Variants in IL16 observed in about 807,000 individuals in gnomAD.
IL16 encodes the protein pro-interleukin-16.
In IL16, 67 loss-of-function variants were observed where a neutral mutation model predicts 110.1. That is an observed-to-expected ratio of 0.61 (90% confidence interval 0.50 to 0.75). The LOEUF is 0.75. Among genes scored for constraint, IL16 ranks in the 30% least tolerant of loss-of-function variants. The pLI is 0.00. For synonymous variants in IL16, 689 were observed against 662.9 expected (o/e 1.04, Z -0.61); for missense variants, 1,545 against 1,655.0 (o/e 0.93, Z 1.15).
chr15:81,238,051 C>T (rs2142089431), intron 2 of IL16, among the ~76,000 whole-genome samples: 1 of 152,106 alleles, frequency 6.6e-6, no homozygotes, highest in East Asian at 1.9e-4. Context: ...TTACAGGCAC[C>T]TGCCACCAAG....
chr15:81,306,772 C>A, intron 18 of IL16: 1 of 581,586 alleles, frequency 1.7e-6, no homozygotes, highest in Non-Finnish European at 3.1e-6. Flanking sequence ...TCAAAAATAC[C>A]TAAGTCCTGG....
intron 8 of IL16, 45 bp downstream of exon 8, chr15:81,279,819 T>C: frequency 6.6e-7 from 1 of 1,519,426 alleles, no homozygotes; most frequent in African/African-American, 1.4e-5. Flanking sequence ...CTCCCAGCAC[T>C]GGCTGAGTCT....
At chr15:81,305,270 A>G (rs1900491749) in intron 16 of IL16, among the ~76,000 whole-genome samples, 1 of 152,160 alleles carries the variant, frequency 6.6e-6, no homozygotes, top group South Asian at 2.1e-4. Flanking sequence ...CTGCCATGCA[A>G]ATTTGCATTG....
intron 1 of IL16, among the ~76,000 whole-genome samples, chr15:81,200,423 T>G (rs983379365): frequency 1.4e-4 from 21 of 152,146 alleles, no homozygotes; most frequent in African/African-American, 5.1e-4. Context: ...AGGCTGGAGT[T>G]CAGCAGTGCA....
intron 1 of IL16, among the ~76,000 whole-genome samples, chr15:81,184,626 G>A (rs560741852): frequency 6.6e-6 from 1 of 152,326 alleles, no homozygotes; most frequent in Admixed American, 6.5e-5. Flanking sequence ...CCTCGGTCCA[G>A]GGGTGAGGAG....
Position 81,267,783 on chromosome 15 carries a change from G to A in IL16, c.565-1755G>A, listed in dbSNP as rs753122712. 7.2e-5 allele frequency among the ~76,000 whole-genome samples: 11 copies of A among 152,236 alleles called. 1 individual carries two copies. The highest frequency in any genetic ancestry group is 4.1e-4 in the South Asian group (2 of 4,828). On this transcript the variant is annotated intron_variant, in intron 4 of 18. Transcript: ENST00000683961. ...TCCTAGTTCAAAGGCAGTCACGCAC[G>A]AAGGATGCTTTCTAACTCAGGGGAG...
chr15:81,295,697 C>G (rs998339115), intron 12 of IL16, among the ~76,000 whole-genome samples: 3 of 152,208 alleles, frequency 2.0e-5, no homozygotes, highest in African/African-American at 7.2e-5. Flanking sequence ...TCATAATGCT[C>G]TCCTAAAGCT....
In IL16 at chr15:81,273,170, G is replaced by A. The variant is rs1182448974; in HGVS notation, c.756G>A (p.Gly252=). ...IGIYVKTIFA[G]GAAAADGRLQ... ...TTTACGTCAAAACCATTTTTGCAGG[G>A]GGAGCAGCAGCAGCCGATGGAAGGC... Residue 252 remains glycine, a synonymous_variant, in exon 6 of 19, where the codon GGG becomes GGA. Coordinates refer to ENST00000683961, the MANE Select transcript of IL16 (RefSeq NM_172217.5). 3.1e-6 allele frequency: 5 copies of A among 1,613,408 alleles called. No individual in the cohort carries two copies. In the African/African-American group the frequency reaches 4.0e-5, roughly 13 times the overall value.
Position 81,211,488 on chromosome 15 carries a change from G to A in IL16, c.-101-13811G>A, listed in dbSNP as rs540198275. ...GCTGGTGTCAAAATCCTGACCTCAG[G>A]TGATCCACCCACCTCAGCCTCCCAA... On this transcript the variant is annotated intron_variant, in intron 1 of 18. Coordinates refer to ENST00000683961, the MANE Select transcript of IL16 (RefSeq NM_172217.5). 2.6e-5 allele frequency among the ~76,000 whole-genome samples: 4 copies of A among 152,316 alleles called. No homozygotes were observed. The East Asian group carries it at 5.8e-4, about 22-fold the overall frequency.
intron 3 of IL16, 122 bp from the exon 4 acceptor site, chr15:81,265,537 G>T: frequency 9.6e-7 from 1 of 1,037,360 alleles, no homozygotes; most frequent in Non-Finnish European, 1.4e-6. Flanking sequence ...CCTGGCACAG[G>T]GTGTTAAGTG....
chr15:81,263,126 C>G (rs1015971979), intron 3 of IL16, among the ~76,000 whole-genome samples: 1 of 151,924 alleles, frequency 6.6e-6, no homozygotes, highest in Non-Finnish European at 1.5e-5. Context: ...AATTAATTAC[C>G]CAATTAAGTT....
chr15:81,235,705 G>A (rs1897157115), intron 2 of IL16, among the ~76,000 whole-genome samples: 1 of 152,150 alleles, frequency 6.6e-6, no homozygotes. Flanking sequence ...ACGACACGGT[G>A]GAGCACAGAA....
chr15:81,273,298 G>A, intron 6 of IL16, 94 bp downstream of exon 6: 2 of 885,274 alleles, frequency 2.3e-6, no homozygotes, highest in Non-Finnish European at 3.4e-6. Flanking sequence ...AATGCAAAAT[G>A]TGTCTTGAGT....
chr15:81,297,839 A>G (rs2141600045), intron 13 of IL16, among the ~76,000 whole-genome samples: 1 of 151,726 alleles, frequency 6.6e-6, no homozygotes, highest in Admixed American at 6.6e-5. Flanking sequence ...GCCTCCAAGG[A>G]GCAACTAGTA....
chr15:81,199,530 G>A (rs937428186), intron 1 of IL16, among the ~76,000 whole-genome samples: 8 of 152,208 alleles, frequency 5.3e-5, no homozygotes, highest in Admixed American at 4.6e-4. Context: ...CTGGGATCCC[G>A]CGTGGAGATC....
chr15:81,245,748 T>TTTTTTTG (rs59688867), intron 2 of IL16, among the ~76,000 whole-genome samples: 1 of 146,214 alleles, frequency 6.8e-6, no homozygotes, highest in African/African-American at 2.6e-5. Context: ...TTTTTTTTTT[T>TTTTTTTG]GCCTGTACCT....
chr15:81,281,416 A>G (rs933816189), intron 8 of IL16, among the ~76,000 whole-genome samples: 5 of 152,150 alleles, frequency 3.3e-5, no homozygotes, highest in Non-Finnish European at 5.9e-5. Context: ...GGGGGATCCC[A>G]TCCAGCCCCA....
intron 1 of IL16, among the ~76,000 whole-genome samples, chr15:81,203,932 T>C (rs1359861843): frequency 2.0e-5 from 3 of 152,098 alleles, no homozygotes; most frequent in Admixed American, 1.3e-4. Flanking sequence ...ATTTTCACGA[T>C]ATTGATTCTT....
At chr15:81,269,117 C>G (rs1371985539) in intron 4 of IL16, among the ~76,000 whole-genome samples, 2 of 152,270 alleles carry the variant, frequency 1.3e-5, no homozygotes, top group Non-Finnish European at 2.9e-5. Flanking sequence ...TTGCCCACCA[C>G]CTCCTGCCTG....
Sources: allele counts gnomAD v4.1 joint callset (sites outside exome capture counted in the v4.1 genomes callset), GRCh38; gene constraint gnomAD v4.1.1; transcripts MANE v1.5; gene names NCBI Gene and HGNC (gene_info 2026-07-23, HGNC 2026-07-21).